The following PKHD1L1 variants were observed in gnomAD, a reference collection of about 807,000 sequenced individuals.
The protein encoded by PKHD1L1 is fibrocystin-L.
PKHD1L1 carries 434 observed loss-of-function variants against 462.9 expected under a neutral mutation model. That is an observed-to-expected ratio of 0.94 (90% CI 0.87 to 1.02). The LOEUF (loss-of-function observed/expected upper bound fraction) is 1.02, where lower values mean the gene tolerates loss of function less well. Ranked by LOEUF, PKHD1L1 falls within the 50% of genes least tolerant of loss-of-function variation. PKHD1L1 has a pLI of 0.00. For missense variants in PKHD1L1, 5,202 were observed against 5,096.1 expected (o/e 1.02, Z -0.63); for synonymous variants, 1,781 against 1,750.0 (o/e 1.02, Z -0.44).
At chr8:109,436,302 G>A in intron 29 of PKHD1L1, 36 bp from the exon 30 acceptor site, 2 of 1,590,280 alleles carry the variant, frequency 1.3e-6, no homozygotes, top group South Asian at 1.1e-5. Context: ...TAGTTGAACT[G>A]TTTTGTTGTT....
intron 26 of PKHD1L1, 119 bp downstream of exon 26, chr8:109,429,581 G>C: frequency 1.0e-6 from 1 of 958,628 alleles, no homozygotes; most frequent in Non-Finnish European, 1.5e-6. Context: ...GGGAACATTT[G>C]TCTTAATATT....
intron 74 of PKHD1L1, 130 bp from the exon 75 acceptor site, chr8:109,522,614 T>C (rs1820606448): frequency 3.9e-6 from 4 of 1,020,890 alleles, no homozygotes; most frequent in Non-Finnish European, 5.4e-6. Context: ...ATTGTAATTA[T>C]ATTAATTTTG....
Position 109,415,867 on chromosome 8 carries a change from G to A in PKHD1L1, c.2360+2322G>A, listed in dbSNP as rs901552020. Among the ~76,000 whole-genome samples, 68 of 94,958 alleles carry A rather than the reference G, an allele frequency of 7.2e-4. 2 individuals carry two copies. In the Middle Eastern group the frequency reaches 0.041, roughly 58 times the overall value. The allele number at this position is 94,958 out of a possible 152,430, so 62.3% of individuals were successfully genotyped here. On this transcript the variant is annotated intron_variant, in intron 21 of 77. Transcript: ENST00000378402. ...TGTCTTAAAAAAAAAAAAAAGGGGTGTGTGTGTGTGTGTGTGTGTGTGTGT... is the reference window on the plus strand; with the variant it reads ...TGTCTTAAAAAAAAAAAAAAGGGGTATGTGTGTGTGTGTGTGTGTGTGTGT...
intron 27 of PKHD1L1, among the ~76,000 whole-genome samples, chr8:109,430,981 T>C (rs1026085952): frequency 6.6e-6 from 1 of 151,768 alleles, no homozygotes; most frequent in African/African-American, 2.4e-5. Flanking sequence ...ACTTTTTTTT[T>C]TTTTTTTGAG....
At chr8:109,431,524 T>C (rs1451227397) in intron 27 of PKHD1L1, among the ~76,000 whole-genome samples, 1 of 152,158 alleles carries the variant, frequency 6.6e-6, no homozygotes, top group Non-Finnish European at 1.5e-5. Context: ...AAATACCTTT[T>C]GTATATAACA....
At chr8:109,487,438 CCCTCCCTCCCTCCCTT>C (rs1487098619) in intron 59 of PKHD1L1, among the ~76,000 whole-genome samples, 1 of 133,748 alleles carries the variant, frequency 7.5e-6, no homozygotes, top group South Asian at 2.7e-4. Context: ...TATCCTCCCT[CCCTCCCTCCCTCCCTT>C]CCTCCCTCCC....
chr8:109,522,447 GTCTT>G (rs1347621756), intron 74 of PKHD1L1, 110 bp downstream of exon 74: 1 of 1,226,856 alleles, frequency 8.2e-7, no homozygotes, highest in Non-Finnish European at 1.1e-6. Flanking sequence ...TAGCAGGCAT[GTCTT>G]TCTTATTTAT....
intron 53 of PKHD1L1, among the ~76,000 whole-genome samples, chr8:109,478,107 C>T (rs1169315678): frequency 1.3e-5 from 2 of 152,134 alleles, no homozygotes; most frequent in Non-Finnish European, 2.9e-5. Flanking sequence ...TAAAAACTAA[C>T]ATTTAGTGGG....
In PKHD1L1 at chr8:109,476,647, C is replaced by A; in HGVS notation, c.8897C>A (p.Thr2966Asn). The A allele has an allele frequency of 6.3e-7, 1 of 1,599,352 alleles. No individual in the cohort carries two copies. The highest frequency in any genetic ancestry group is 2.2e-5 in the East Asian group (1 of 44,464). Residue 2966 changes from threonine to asparagine, a missense_variant, in exon 52 of 78, where the codon ACT (threonine) becomes AAT (asparagine). Coordinates refer to ENST00000378402, the MANE Select transcript of PKHD1L1 (RefSeq NM_177531.6). ...KNGDWHLEAN[T>N]STLYYLVSGR... The stretch of plus-strand genomic sequence containing the variant: ...GGGGACTGGCACCTTGAAGCAAACA[C>A]TAGTACTCTATATTACTTGGGTATG...
intron 2 of PKHD1L1, among the ~76,000 whole-genome samples, chr8:109,370,433 G>C (rs1811442128): frequency 1.3e-5 from 2 of 151,320 alleles, no homozygotes; most frequent in Non-Finnish European, 1.5e-5. Flanking sequence ...TTTTTAAAAA[G>C]GGATATTAAT....
chr8:109,407,440 A>G (rs1813615618), intron 17 of PKHD1L1, among the ~76,000 whole-genome samples: 1 of 152,156 alleles, frequency 6.6e-6, no homozygotes, highest in Non-Finnish European at 1.5e-5. Flanking sequence ...TAACTGGGCA[A>G]ATTTTAAGAC....
chr8:109,498,429 T>C, intron 65 of PKHD1L1, 33 bp from the exon 66 acceptor site: 2 of 1,485,650 alleles, frequency 1.3e-6, no homozygotes, highest in Non-Finnish European at 1.9e-6. Context: ...GAGCTATTAT[T>C]AATGCTATAT....
chr8:109,481,413 A>G lies in PKHD1L1; in HGVS notation c.9328-20A>G. ...TCCTGGTCAATTTTTAAGTATTAACAATTTTCTGCTTCATTTCAGGGAGGT... is the reference window on the plus strand; with the variant it reads ...TCCTGGTCAATTTTTAAGTATTAACGATTTTCTGCTTCATTTCAGGGAGGT... On this transcript the variant is annotated intron_variant, in intron 55 of 77. Transcript: ENST00000378402. The G allele has an allele frequency of 6.4e-7, 1 of 1,559,828 alleles. No individual in the cohort carries two copies. The highest frequency in any genetic ancestry group is 8.7e-7 in the Non-Finnish European group (1 of 1,155,742).
intron 19 of PKHD1L1, among the ~76,000 whole-genome samples, chr8:109,411,618 A>G (rs941035836): frequency 1.3e-5 from 2 of 152,050 alleles, no homozygotes; most frequent in African/African-American, 2.4e-5. Flanking sequence ...CTAACCTTAC[A>G]GTTTGCATTC....
chr8:109,526,801 G>A lies in PKHD1L1; in HGVS notation c.12502G>A (p.Glu4168Lys). The change falls in exon 77 of 78, where the codon GAA becomes AAA. Residue 4168 changes from glutamate (E) to lysine (K), a missense_variant. Around this residue, in one of 3 missense-constraint regions of PKHD1L1, gnomAD observed 698 missense variants for 736.3 expected, o/e 0.95. Transcript: ENST00000378402. Reference protein sequence around the residue: ...PLRTGKNYKIEFILDNVVGVE... With the variant: ...PLRTGKNYKIKFILDNVVGVE... ...TTTTCCAGGAAAAAATTATAAGATT[G>A]AATTTATACTGGATAATGTTGTTGG... is the stretch of plus-strand genomic sequence containing the variant. 1 of 1,551,890 alleles carries A rather than the reference G, an allele frequency of 6.4e-7. No homozygotes were observed. Among genetic ancestry groups the A allele is most frequent in the Non-Finnish European group, 8.7e-7 (1 of 1,147,196 alleles).
intron 68 of PKHD1L1, among the ~76,000 whole-genome samples, chr8:109,505,405 G>T (rs1486960355): frequency 2.0e-5 from 3 of 152,182 alleles, no homozygotes; most frequent in African/African-American, 7.2e-5. Flanking sequence ...ACAAAGGTCA[G>T]TTGGTGTCAG....
chr8:109,496,157 C>T (rs1463363185), intron 63 of PKHD1L1, among the ~76,000 whole-genome samples: 1 of 152,144 alleles, frequency 6.6e-6, no homozygotes, highest in Non-Finnish European at 1.5e-5. Flanking sequence ...ACCTTCTAGG[C>T]TCCAAGAAAT....
chr8:109,442,696 T>C (rs926662937), intron 35 of PKHD1L1, among the ~76,000 whole-genome samples: 1 of 152,212 alleles, frequency 6.6e-6, no homozygotes, highest in African/African-American at 2.4e-5. Flanking sequence ...TGGTGTGTTA[T>C]GCCAGACTTG....
Position 109,518,241 on chromosome 8 carries a change from C to A in PKHD1L1, c.11764C>A (p.Leu3922Ile), listed in dbSNP as rs182129891. Reference sequence around the variant, plus strand: ...TGATGGAACCTACCAGATGCTTTATCTTTTGGTTAAAGGAACTATACCTGT... The same window carrying A: ...TGATGGAACCTACCAGATGCTTTATATTTTGGTTAAAGGAACTATACCTGT... ...YFDGTYQMLY[L>I]LVKGTIPVEI... is the part of the protein sequence containing the mutation. The change falls in exon 73 of 78, where the codon CTT becomes ATT. Residue 3922 changes from leucine to isoleucine, a missense_variant. By Grantham distance (5) the Leu-to-Ile change is conservative. This residue lies in a region of PKHD1L1 where 698 missense variants were observed against 736.3 expected (regional missense o/e 0.95). Coordinates refer to ENST00000378402, the MANE Select transcript of PKHD1L1 (RefSeq NM_177531.6). 295 of 1,611,130 alleles carry A rather than the reference C, an allele frequency of 1.8e-4. No individual in the cohort carries two copies. The highest frequency in any genetic ancestry group is 1.7e-3 in the Middle Eastern group (10 of 6,048).
Sources: gnomAD v4.1 joint callset for allele counts (sites outside exome capture counted in the v4.1 genomes callset) on GRCh38, gnomAD v4.1.1 for gene constraint, gnomAD v4.1.1 regional missense constraint, MANE v1.5 for transcripts, NCBI Gene and HGNC (gene_info 2026-07-23, HGNC 2026-07-21) for gene names.